PDE4B: variants seen among roughly 807,000 people sequenced by gnomAD.
PDE4B encodes 3',5'-cyclic-AMP phosphodiesterase 4B.
PDE4B carries 20 observed loss-of-function variants against 82.2 expected under a neutral mutation model. That is an observed-to-expected ratio of 0.24 (90% confidence interval 0.17 to 0.35). The LOEUF (loss-of-function observed/expected upper bound fraction) is 0.35, where lower values mean the gene tolerates loss of function less well. Ranked by LOEUF, PDE4B falls within the 10% of genes least tolerant of loss-of-function variation. The pLI, the probability that PDE4B is intolerant of heterozygous loss-of-function variation, is 1.00. For missense variants in PDE4B, 655 were observed against 907.2 expected (o/e 0.72, Z 3.57); for synonymous variants, 320 against 318.9 (o/e 1.00, Z -0.04).
At chr1:65,878,096 A>G (rs549725500) in intron 1 of PDE4B, among the ~76,000 whole-genome samples, 1 of 152,344 alleles carries the variant, frequency 6.6e-6, no homozygotes, top group East Asian at 1.9e-4. Flanking sequence ...CATTTATCAA[A>G]AGAAGACATT....
At chr1:65,906,698 T>C (rs969424952) in intron 1 of PDE4B, among the ~76,000 whole-genome samples, 8 of 152,158 alleles carry the variant, frequency 5.3e-5, no homozygotes, top group Admixed American at 3.9e-4. Flanking sequence ...GCTCAGCAAA[T>C]TGAATATTAA....
chr1:65,885,209 C>A (rs868482693), intron 1 of PDE4B, among the ~76,000 whole-genome samples: 15 of 152,246 alleles, frequency 9.9e-5, no homozygotes, highest in African/African-American at 3.4e-4. Flanking sequence ...AGTCAGGAAA[C>A]AACAGGTGCT....
chr1:66,135,903 G>A (rs936517523), intron 3 of PDE4B, among the ~76,000 whole-genome samples: 5 of 152,138 alleles, frequency 3.3e-5, no homozygotes, highest in Non-Finnish European at 5.9e-5. Flanking sequence ...ACATGAAAAA[G>A]ATGGAATGAG....
chr1:65,818,487 A>G (rs1003595702), intron 1 of PDE4B, among the ~76,000 whole-genome samples: 3 of 151,790 alleles, frequency 2.0e-5, no homozygotes, highest in Admixed American at 6.6e-5. Flanking sequence ...AGAGTAATCT[A>G]TTCCTTTCTT....
intron 3 of PDE4B, among the ~76,000 whole-genome samples, chr1:65,980,989 T>A (rs1937453): frequency 0.7 from 105,891 of 152,022 alleles, 36,974 homozygotes; most frequent in Middle Eastern, 0.73. Flanking sequence ...ATTTTAAATC[T>A]CAGACATGTA....
At chr1:66,006,351 A>G (rs573255507) in intron 3 of PDE4B, among the ~76,000 whole-genome samples, 1 of 152,216 alleles carries the variant, frequency 6.6e-6, no homozygotes, top group Non-Finnish European at 1.5e-5. Flanking sequence ...TAATGCAAAC[A>G]TGAGGCACCA....
At chr1:66,349,759 T>G (rs1008082975) in intron 8 of PDE4B, among the ~76,000 whole-genome samples, 12 of 152,178 alleles carry the variant, frequency 7.9e-5, no homozygotes, top group Non-Finnish European at 1.5e-4. Flanking sequence ...TCTGAAATGT[T>G]AAGAATTGTG....
chr1:65,871,530 A>G (rs1193671182), intron 1 of PDE4B, among the ~76,000 whole-genome samples: 1 of 152,238 alleles, frequency 6.6e-6, no homozygotes, highest in Non-Finnish European at 1.5e-5. Context: ...TCACAGCATT[A>G]TTGTTAGCAT....
intron 7 of PDE4B, among the ~76,000 whole-genome samples, chr1:66,284,889 CA>C (rs1656560344): frequency 6.6e-6 from 1 of 152,108 alleles, no homozygotes; most frequent in Non-Finnish European, 1.5e-5. Context: ...CAGGGAAATA[CA>C]TTATCAAAGC....
intron 1 of PDE4B, among the ~76,000 whole-genome samples, chr1:65,892,949 A>AAAAT (rs1322370702): frequency 3.9e-5 from 6 of 152,118 alleles, no homozygotes; most frequent in Non-Finnish European, 8.8e-5. Flanking sequence ...GTACCTATTG[A>AAAAT]AAATAAATAA....
chr1:66,076,348 C>T (rs183940250), intron 3 of PDE4B, among the ~76,000 whole-genome samples: 1 of 152,252 alleles, frequency 6.6e-6, no homozygotes, highest in Non-Finnish European at 1.5e-5. Flanking sequence ...TGCTGCAAAG[C>T]ACATGATTTC....
chr1:66,334,521 G>T (rs562101307), intron 8 of PDE4B, among the ~76,000 whole-genome samples: 1 of 152,192 alleles, frequency 6.6e-6, no homozygotes. Flanking sequence ...GGTGTTGTGT[G>T]CAGGAAGCAA....
intron 7 of PDE4B, among the ~76,000 whole-genome samples, chr1:66,295,042 G>T (rs72677260): frequency 0.036 from 5,544 of 152,224 alleles, 120 homozygotes; most frequent in Middle Eastern, 0.068. Flanking sequence ...AATATTAATT[G>T]CTTATGAGAA....
intron 3 of PDE4B, among the ~76,000 whole-genome samples, chr1:66,148,359 T>C (rs960301971): frequency 1.3e-5 from 2 of 152,134 alleles, no homozygotes; most frequent in African/African-American, 2.4e-5. Flanking sequence ...GAATTTTCTA[T>C]GATCTGCTCA....
chr1:65,937,267 A>AGT (rs1433326940), intron 3 of PDE4B, among the ~76,000 whole-genome samples: 7 of 151,934 alleles, frequency 4.6e-5, no homozygotes, highest in Non-Finnish European at 1.5e-5. Flanking sequence ...CACTGGGGAG[A>AGT]GTGGTGGCGA....
chr1:66,302,139 A>C (rs2101840661), intron 7 of PDE4B, among the ~76,000 whole-genome samples: 1 of 152,296 alleles, frequency 6.6e-6, no homozygotes, highest in South Asian at 2.1e-4. Flanking sequence ...TGGAGGAATC[A>C]AGAAGAGCCT....
At chr1:66,273,992 A>G (rs1655689470) in intron 7 of PDE4B, among the ~76,000 whole-genome samples, 1 of 152,232 alleles carries the variant, frequency 6.6e-6, no homozygotes, top group South Asian at 2.1e-4. Context: ...TGGAAGAAAA[A>G]CAACTAAATG....
At chr1:66,091,761 G>A (rs909722174) in intron 3 of PDE4B, among the ~76,000 whole-genome samples, 16 of 152,044 alleles carry the variant, frequency 1.1e-4, no homozygotes, top group Non-Finnish European at 1.8e-4. Flanking sequence ...GCAGTATCAA[G>A]GGTTATTGGT....
intron 6 of PDE4B, among the ~76,000 whole-genome samples, chr1:66,262,324 A>G (rs1478973001): frequency 6.6e-6 from 1 of 152,214 alleles, no homozygotes; most frequent in African/African-American, 2.4e-5. Flanking sequence ...ATCACCAGTA[A>G]ATGTTAGTTG....
Sources: gnomAD v4.1 joint callset for allele counts (sites outside exome capture counted in the v4.1 genomes callset) on GRCh38, gnomAD v4.1.1 for gene constraint, MANE v1.5 for transcripts, NCBI Gene and HGNC (gene_info 2026-07-23, HGNC 2026-07-21) for gene names.